The following CFHR4 variants were observed in gnomAD, a reference collection of about 807,000 sequenced individuals.
CFHR4 encodes complement factor H-related protein 4.
In CFHR4, 64 loss-of-function variants were observed where a neutral mutation model predicts 69.3. That is an observed-to-expected ratio of 0.92 (90% CI 0.76 to 1.14). The LOEUF (loss-of-function observed/expected upper bound fraction) is 1.14. Ranked by LOEUF, CFHR4 falls within the 50% of genes most tolerant of loss-of-function variation. CFHR4 has a pLI of 0.00. For synonymous variants in CFHR4, 244 were observed against 237.0 expected (o/e 1.03, Z -0.27); for missense variants, 636 against 684.9 (o/e 0.93, Z 0.80).
chr1:196,916,920 T>C (rs1258696435), intron 9 of CFHR4, among the ~76,000 whole-genome samples: 2 of 151,564 alleles, frequency 1.3e-5, no homozygotes, highest in East Asian at 1.9e-4. Flanking sequence ...ATGGAAAAGA[T>C]TACATATACA....
chr1:196,912,692 G>A, intron 6 of CFHR4, 48 bp from the exon 7 acceptor site: 1 of 1,492,914 alleles, frequency 6.7e-7, no homozygotes, highest in Non-Finnish European at 9.0e-7. Flanking sequence ...TCCTATAAAA[G>A]AAGTATTCAA....
At chr1:196,917,359 C>T (rs1658703106) in intron 9 of CFHR4, among the ~76,000 whole-genome samples, 1 of 151,772 alleles carries the variant, frequency 6.6e-6, no homozygotes, top group Non-Finnish European at 1.5e-5. Flanking sequence ...AGCAAACCAC[C>T]ATGGCACACA....
intron 5 of CFHR4, among the ~76,000 whole-genome samples, chr1:196,909,475 G>A (rs1286387465): frequency 2.0e-5 from 3 of 151,434 alleles, no homozygotes; most frequent in Admixed American, 6.6e-5. Context: ...ATTTATTTTT[G>A]AATTGTAAAC....
At chr1:196,915,664 A>T (rs1399229784) in intron 9 of CFHR4, among the ~76,000 whole-genome samples, 3 of 151,322 alleles carry the variant, frequency 2.0e-5, no homozygotes, top group Non-Finnish European at 4.4e-5. Context: ...AATAAAAAAT[A>T]AATAAATAAA....
In CFHR4 at chr1:196,914,899, A is replaced by T. The variant is rs1379052310; in HGVS notation, c.1358-57A>T. On this transcript the variant is annotated intron_variant, in intron 8 of 9. Coordinates refer to ENST00000608469, the MANE Select transcript of CFHR4 (RefSeq NM_001201550.3). Reference sequence around the variant, plus strand: ...TAAGAGTATATAAAAAGCTTTATTTAGAAAGTTTCCAATAAGACTATTGAT... The same window carrying T: ...TAAGAGTATATAAAAAGCTTTATTTTGAAAGTTTCCAATAAGACTATTGAT... The T allele has an allele frequency of 2.5e-6, 4 of 1,572,118 alleles. No homozygotes were observed. The African/African-American group carries it at 5.5e-5, about 22-fold the overall frequency.
In CFHR4 at chr1:196,897,069, G is replaced by A. The variant is rs1055756286; in HGVS notation, c.59-5349G>A. 4.2e-4 allele frequency among the ~76,000 whole-genome samples: 64 copies of A among 151,376 alleles called. 2 individuals are homozygous for A. Among genetic ancestry groups the A allele is most frequent in the Admixed American group, 4.0e-3 (61 of 15,192 alleles). On this transcript the variant is annotated intron_variant, in intron 1 of 9. Coordinates refer to ENST00000608469, the MANE Select transcript of CFHR4 (RefSeq NM_001201550.3). ...GAGTCGTTCTGAGAAGAAAAGGCAG[G>A]GCTCTGAATTCCGATGGAAGGGAAC...
At chr1:196,898,070 T>C (rs1012291871) in intron 1 of CFHR4, among the ~76,000 whole-genome samples, 2 of 151,400 alleles carry the variant, frequency 1.3e-5, no homozygotes, top group Non-Finnish European at 2.9e-5. Context: ...CTAGCAAGAA[T>C]GTACTTTATT....
Position 196,891,325 on chromosome 1 carries a change from C to G in CFHR4, c.58+3117C>G, listed in dbSNP as rs185149547. Among the ~76,000 whole-genome samples the G allele has an allele frequency of 3.9e-3, 596 of 151,540 alleles. 24 individuals are homozygous for G. Among genetic ancestry groups the G allele is most frequent in the African/African-American group, 0.012 (506 of 41,154 alleles). ...TTCCTTGGACTAAATATCCTGCAAT[C>G]ATAAGAAAATGTAAGAGTATCTCAG... On this transcript the variant is annotated intron_variant, in intron 1 of 9. Coordinates refer to ENST00000608469, the MANE Select transcript of CFHR4 (RefSeq NM_001201550.3).
Position 196,907,496 on chromosome 1 carries a change from T to C in CFHR4, c.797T>C (p.Ile266Thr), listed in dbSNP as rs1360252520. The change falls in exon 5 of 10, where the codon ATA becomes ACA. Residue 266 changes from isoleucine (I) to threonine (T), a missense_variant and splice_region_variant. By Grantham distance (89) the Ile-to-Thr change is moderately conservative (BLOSUM62 -1). This residue lies in a region of CFHR4 where 529 missense variants were observed against 533.2 expected (regional missense o/e 0.99). Transcript: ENST00000608469. ...GACTGGTCAGAACCACCAAGATGCATATGTAAGTTCTTAATATTCTGGATC... is the reference window on the plus strand; with the variant it reads ...GACTGGTCAGAACCACCAAGATGCACATGTAAGTTCTTAATATTCTGGATC... ...NGDWSEPPRC[I>T]SMKPCEFPEI... 11 of 1,606,154 alleles carry C rather than the reference T, an allele frequency of 6.8e-6. No individual in the cohort carries two copies. Among genetic ancestry groups the C allele is most frequent in the Non-Finnish European group, 8.5e-6 (10 of 1,175,102 alleles).
At chr1:196,902,027 A>G (rs1308332261) in intron 1 of CFHR4, among the ~76,000 whole-genome samples, 2 of 151,442 alleles carry the variant, frequency 1.3e-5, no homozygotes, top group Non-Finnish European at 2.9e-5. Flanking sequence ...TCCTCAAAAA[A>G]CTACTATCTC....
At chr1:196,913,542 A>G (rs973000843) in intron 7 of CFHR4, among the ~76,000 whole-genome samples, 3 of 151,562 alleles carry the variant, frequency 2.0e-5, no homozygotes, top group African/African-American at 7.3e-5. Flanking sequence ...TTCTCTGAAC[A>G]TGCTCGACCT....
intron 9 of CFHR4, 107 bp from the exon 10 acceptor site, chr1:196,918,103 G>C: frequency 1.7e-6 from 2 of 1,182,628 alleles, no homozygotes; most frequent in Non-Finnish European, 2.3e-6. Context: ...TAACTATTTG[G>C]ATTATTTTAT....
chr1:196,888,175 C>A lies in CFHR4; in HGVS notation c.25C>A (p.Leu9Met). 6.2e-7 allele frequency: 1 copy of A among 1,611,272 alleles called. No homozygotes were observed. The highest frequency in any genetic ancestry group is 1.1e-5 in the South Asian group (1 of 91,018). ...CATGTTGTTACTAATCAATGTCATT[C>A]TGACCTTGTGGGTTTCCTGTGCTAA... MLLLINVI[L>M]TLWVSCANGQ... is the part of the protein sequence containing the mutation. The change falls in exon 1 of 10, where the codon CTG (leucine) becomes ATG (methionine). Residue 9 changes from leucine (L) to methionine (M), a missense_variant. By Grantham distance (15) the Leu-to-Met change is conservative. Coordinates refer to ENST00000608469, the MANE Select transcript of CFHR4 (RefSeq NM_001201550.3).
At chr1:196,894,781 G>A (rs1657201254) in intron 1 of CFHR4, among the ~76,000 whole-genome samples, 1 of 151,222 alleles carries the variant, frequency 6.6e-6, no homozygotes, top group African/African-American at 2.4e-5. Flanking sequence ...ACCAAGTATA[G>A]TGGCTCATTC....
chr1:196,904,098 A>G (rs1657767803), intron 2 of CFHR4, among the ~76,000 whole-genome samples: 1 of 151,664 alleles, frequency 6.6e-6, no homozygotes, highest in African/African-American at 2.4e-5. Context: ...GCCCTCAACA[A>G]CAGCCTAAGC....
In CFHR4 at chr1:196,915,780, T is replaced by C. The variant is rs373140835; in HGVS notation, c.1540+642T>C. On this transcript the variant is annotated intron_variant, in intron 9 of 9. Coordinates refer to ENST00000608469, the MANE Select transcript of CFHR4 (RefSeq NM_001201550.3). ...AGTCTTCAAGAATGACATCCATTTA[T>C]TGCGCACATATGAAATATGGCATCT... is the stretch of plus-strand genomic sequence containing the variant. Among the ~76,000 whole-genome samples the C allele has an allele frequency of 5.9e-5, 9 of 151,806 alleles. No individual in the cohort carries two copies. The South Asian group carries it at 1.0e-3, about 17-fold the overall frequency.
intron 1 of CFHR4, among the ~76,000 whole-genome samples, chr1:196,889,948 A>ATGC (rs1656929057): frequency 6.6e-6 from 1 of 151,492 alleles, no homozygotes; most frequent in African/African-American, 2.4e-5. Flanking sequence ...CCTCAGAAGA[A>ATGC]TGCAGCCCTG....
chr1:196,904,307 T>G (rs1657781418), intron 2 of CFHR4, among the ~76,000 whole-genome samples: 1 of 151,666 alleles, frequency 6.6e-6, no homozygotes, highest in Non-Finnish European at 1.5e-5. Context: ...AAACTCATGA[T>G]TATGACAAAT....
intron 2 of CFHR4, among the ~76,000 whole-genome samples, chr1:196,904,109 C>T (rs1021376980): frequency 6.6e-6 from 1 of 151,636 alleles, no homozygotes; most frequent in Non-Finnish European, 1.5e-5. Flanking sequence ...CAGCCTAAGC[C>T]TCTGGAAGGG....
Sources: allele counts gnomAD v4.1 joint callset (sites outside exome capture counted in the v4.1 genomes callset), GRCh38; gene constraint gnomAD v4.1.1; regional missense constraint gnomAD v4.1.1; transcripts MANE v1.5; gene names NCBI Gene and HGNC (gene_info 2026-07-23, HGNC 2026-07-21).